The following GYPB variants were observed in gnomAD, a reference collection of about 807,000 sequenced individuals.
GYPB encodes glycophorin B (MNS blood group).
Under a neutral mutation model 15.3 loss-of-function variants are expected in GYPB, and 13 were observed. That is an observed-to-expected ratio of 0.85 (90% CI 0.55 to 1.35). GYPB has a LOEUF of 1.35. GYPB is among the 40% of genes most tolerant of loss of function. GYPB has a pLI of 0.00. For missense variants in GYPB, 131 were observed against 108.3 expected, an observed-to-expected ratio of 1.21 and a Z score of -0.93; for synonymous variants, 38 against 36.9, an observed-to-expected ratio of 1.03 and a Z score of -0.11.
intron 1 of GYPB, among the ~76,000 whole-genome samples, chr4:144,008,002 A>C (rs1728012528): frequency 6.6e-6 from 1 of 151,380 alleles, no homozygotes; most frequent in African/African-American, 2.5e-5. Context: ...TGTCTAAGAT[A>C]ATAATATTTG....
In GYPB at chr4:143,996,112, G is replaced by GTATT; in HGVS notation, c.*183_*186dup. ...TGACTATAATACATGAAAACGGTTT[G>GTATT]TATTTTGTTTTATTTTTATTTAGAA... On this transcript the variant is annotated 3_prime_UTR_variant, in exon 5 of 5. Coordinates refer to ENST00000502664, the MANE Select transcript of GYPB (RefSeq NM_002100.6). 7.1e-7 allele frequency: 1 copy of GTATT among 1,407,520 alleles called. No individual in the cohort carries two copies. The highest frequency in any genetic ancestry group is 9.4e-7 in the Non-Finnish European group (1 of 1,062,846). 87.2% of individuals were successfully genotyped at this position (1,407,520 alleles called of 1,614,324 possible).
Position 144,001,237 on chromosome 4 carries a change from G to A in GYPB, c.84C>T (p.His28=), listed in dbSNP as rs1347588196. 1 of 1,612,810 alleles carries A rather than the reference G, an allele frequency of 6.2e-7. No homozygotes were observed. The highest frequency in any genetic ancestry group is 1.7e-5 in the Admixed American group (1 of 59,958). Residue 28 remains histidine (H), a synonymous_variant, in exon 2 of 5, where the codon CAC becomes CAT. Coordinates refer to ENST00000502664, the MANE Select transcript of GYPB (RefSeq NM_002100.6). The part of the protein sequence containing the change: ...SALSTTEVAM[H]TSTSSSVTKS... ...TTGTGACTGAAGAAGAGGTTGAAGT[G>A]TGCATTGCCACCTCAGTGGTACTTA... is the stretch of plus-strand genomic sequence containing the variant.
Position 143,996,114 on chromosome 4 carries a change from A to AT in GYPB, c.*184dup. 1 of 1,408,322 alleles carries AT rather than the reference A, an allele frequency of 7.1e-7. No individual in the cohort carries two copies. The highest frequency in any genetic ancestry group is 9.4e-7 in the Non-Finnish European group (1 of 1,063,798). 87.2% of individuals were successfully genotyped at this position (1,408,322 alleles called of 1,614,324 possible). On this transcript the variant is annotated 3_prime_UTR_variant, in exon 5 of 5. Coordinates refer to ENST00000502664, the MANE Select transcript of GYPB (RefSeq NM_002100.6). Reference sequence around the variant, plus strand: ...ACTATAATACATGAAAACGGTTTGTATTTTGTTTTATTTTTATTTAGAAGT... The same window carrying AT: ...ACTATAATACATGAAAACGGTTTGTATTTTTGTTTTATTTTTATTTAGAAGT...
In GYPB at chr4:144,019,297, A is replaced by G. The variant is rs1369313239; in HGVS notation, c.-10T>C. 2 of 1,611,922 alleles carry G rather than the reference A, an allele frequency of 1.2e-6. No homozygotes were observed. Among genetic ancestry groups the G allele is most frequent in the South Asian group, 1.1e-5 (1 of 90,988 alleles). ...TTATTTTTCCATACATCCTGAGATC[A>G]TGAGCTGGTTCCTGAAGTTAGTGCA... is the stretch of plus-strand genomic sequence containing the variant. On this transcript the variant is annotated 5_prime_UTR_variant, in exon 1 of 5. An upstream start codon of the reference 5' UTR is lost. Coordinates refer to ENST00000502664, the MANE Select transcript of GYPB (RefSeq NM_002100.6).
At chr4:144,006,279 A>G (rs1281589894) in intron 1 of GYPB, among the ~76,000 whole-genome samples, 2 of 151,942 alleles carry the variant, frequency 1.3e-5, no homozygotes, top group Admixed American at 6.5e-5. Flanking sequence ...TTATACTTGT[A>G]TAACATCGGA....
intron 1 of GYPB, among the ~76,000 whole-genome samples, chr4:144,011,947 T>C (rs1296464738): frequency 3.3e-3 from 483 of 147,582 alleles, no homozygotes; most frequent in African/African-American, 0.012. Flanking sequence ...ATAGCTGTAC[T>C]ATTCATGTTT....
intron 1 of GYPB, 146 bp from the exon 2 acceptor site, chr4:144,001,429 A>T: frequency 6.9e-7 from 1 of 1,457,714 alleles, no homozygotes; most frequent in Non-Finnish European, 9.4e-7. Context: ...TCTTTAGAGA[A>T]TTGCTGCGTG....
intron 1 of GYPB, among the ~76,000 whole-genome samples, chr4:144,009,601 CTTTTTTTTTTTTTTTTTT>C (rs55807150): frequency 1.4e-4 from 8 of 57,784 alleles, no homozygotes; most frequent in South Asian, 2.0e-3. Context: ...TTTTTTCTTT[CTTTTTTTTTTTTTTTTTT>C]TTTTTTTTTT....
At chr4:144,013,508 T>G (rs938103071) in intron 1 of GYPB, among the ~76,000 whole-genome samples, 1 of 151,220 alleles carries the variant, frequency 6.6e-6, no homozygotes, top group Non-Finnish European at 1.5e-5. Context: ...AGCAGAGACT[T>G]GGAACCAACC....
intron 1 of GYPB, chr4:144,016,659 A>G: frequency 5.8e-6 from 2 of 347,530 alleles, no homozygotes; most frequent in Non-Finnish European, 1.1e-5. Context: ...TTAAGTAAAC[A>G]CAAAAAGCTT....
chr4:144,016,140 GAAAAAA>G (rs10594193), intron 1 of GYPB, among the ~76,000 whole-genome samples: 42 of 38,858 alleles, frequency 1.1e-3, no homozygotes, highest in African/African-American at 3.5e-3. Context: ...TTGGATCCCT[GAAAAAA>G]AAAAAAAAAA....
chr4:144,017,528 C>G (rs536221475), intron 1 of GYPB, among the ~76,000 whole-genome samples: 22 of 151,096 alleles, frequency 1.5e-4, no homozygotes, highest in African/African-American at 2.2e-4. Context: ...ACCATTGTAG[C>G]TTTCAGGGTC....
intron 1 of GYPB, among the ~76,000 whole-genome samples, chr4:144,008,041 A>G (rs192765291): frequency 0.012 from 1,878 of 151,566 alleles, 140 homozygotes; most frequent in African/African-American, 0.044. Context: ...CACTTACTTC[A>G]TTCCACACAT....
At chr4:144,006,420 A>G (rs1158538892) in intron 1 of GYPB, among the ~76,000 whole-genome samples, 2 of 151,962 alleles carry the variant, frequency 1.3e-5, no homozygotes, top group African/African-American at 4.9e-5. Flanking sequence ...ATGTTAGGAT[A>G]ACAACTGGAA....
intron 1 of GYPB, chr4:144,008,403 C>T (rs529735858): frequency 2.2e-6 from 1 of 455,252 alleles, no homozygotes; most frequent in East Asian, 6.9e-5. Flanking sequence ...TTGTTTATAG[C>T]CTGAGGGTAG....
chr4:144,018,296 C>T (rs1341967234), intron 1 of GYPB, among the ~76,000 whole-genome samples: 38 of 151,260 alleles, frequency 2.5e-4, no homozygotes, highest in Admixed American at 2.4e-3. Flanking sequence ...GAACCCAGTT[C>T]TGTCTGTTCC....
At chr4:143,995,502 T>C (rs1727276253), downstream of GYPB, among the ~76,000 whole-genome samples, 1 of 151,206 alleles carries the variant, frequency 6.6e-6, no homozygotes, top group Non-Finnish European at 1.5e-5. Context: ...GGACCCCAGG[T>C]CCTTTGGTTT....
chr4:144,009,029 G>C (rs1377859041), intron 1 of GYPB, among the ~76,000 whole-genome samples: 1 of 151,524 alleles, frequency 6.6e-6, no homozygotes, highest in African/African-American at 2.5e-5. Context: ...AACAACTTTA[G>C]AAATAACATC....
intron 1 of GYPB, chr4:144,012,521 A>G (rs1728267071): frequency 6.7e-6 from 1 of 148,630 alleles, no homozygotes; most frequent in Non-Finnish European, 1.5e-5. Flanking sequence ...TAGCCAAAAC[A>G]ATCTTGAAGA....
Sources: allele counts gnomAD v4.1 joint callset (sites outside exome capture counted in the v4.1 genomes callset), GRCh38; gene constraint gnomAD v4.1.1; transcripts MANE v1.5; gene names NCBI Gene and HGNC (gene_info 2026-07-23, HGNC 2026-07-21).